Variants in DYM observed in about 807,000 individuals in gnomAD.
DYM encodes the protein dymeclin.
DYM carries 78 observed loss-of-function variants against 93.1 expected under a neutral mutation model. The observed-to-expected ratio is 0.84, with a 90% CI of 0.70 to 1.01. DYM has a LOEUF of 1.01. Ranked by LOEUF, DYM falls within the 50% of genes least tolerant of loss-of-function variation. The probability of loss-of-function intolerance (pLI) is 0.00; values close to 1 mark genes in which losing one functional copy is unlikely to be tolerated. For missense variants in DYM, 789 were observed against 845.0 expected, an observed-to-expected ratio of 0.93 and a Z score of 0.82; for synonymous variants, 321 against 319.7, an observed-to-expected ratio of 1.00 and a Z score of -0.04.
At chr18:49,361,455 G>A (rs1356298099) in intron 6 of DYM, among the ~76,000 whole-genome samples, 1 of 152,198 alleles carries the variant, frequency 6.6e-6, no homozygotes, top group Non-Finnish European at 1.5e-5. Flanking sequence ...ATTCTGTGAT[G>A]AGAAACATTA....
chr18:49,282,710 A>C (rs1308290510), intron 9 of DYM, among the ~76,000 whole-genome samples: 2 of 152,242 alleles, frequency 1.3e-5, no homozygotes, highest in Non-Finnish European at 2.9e-5. Context: ...GAAATAAATC[A>C]GCTATAAGAA....
At chr18:49,233,063 T>C (rs2093755309) in intron 13 of DYM, among the ~76,000 whole-genome samples, 1 of 151,946 alleles carries the variant, frequency 6.6e-6, no homozygotes, top group African/African-American at 2.4e-5. Context: ...TAATACAATA[T>C]CTAAAAATGT....
At chr18:49,073,439 C>T (rs2077049817) in intron 17 of DYM, among the ~76,000 whole-genome samples, 1 of 150,892 alleles carries the variant, frequency 6.6e-6, no homozygotes, top group Non-Finnish European at 1.5e-5. Context: ...CAAACAATAC[C>T]ACCTCCCCCC....
At chr18:49,140,380 T>G (rs368110462) in intron 15 of DYM, among the ~76,000 whole-genome samples, 3 of 152,216 alleles carry the variant, frequency 2.0e-5, no homozygotes, top group African/African-American at 7.2e-5. Flanking sequence ...GGCTGATCAC[T>G]GCAAGGCTTA....
intron 1 of DYM, among the ~76,000 whole-genome samples, chr18:49,433,348 T>C (rs147477997): frequency 1.3e-5 from 2 of 152,228 alleles, no homozygotes; most frequent in South Asian, 2.1e-4. Flanking sequence ...AGAAAGGTCA[T>C]GTAATCATAG....
intron 13 of DYM, among the ~76,000 whole-genome samples, chr18:49,222,773 T>G (rs2144127445): frequency 6.6e-6 from 1 of 152,312 alleles, no homozygotes; most frequent in African/African-American, 2.4e-5. Flanking sequence ...CAACTATGAT[T>G]ACACAGTGGA....
At position 49,097,458 on chromosome 18, in the gene DYM, G is replaced by A. The variant is rs781551662; in HGVS notation, c.1969C>T (p.Arg657Trp). 12 of 1,614,056 alleles carry A rather than the reference G, an allele frequency of 7.4e-6. No individual in the cohort carries two copies. The highest frequency in any genetic ancestry group is 1.1e-5 in the South Asian group (1 of 91,076). ...LQAGAELSVE[R>W]VLEIIKQGVV... is the part of the protein sequence containing the mutation. ...CCTTGCTTAATGATTTCCAGGACCC[G>A]TTCCACTGACAGCTCAGCTCCAGCT... Residue 657 changes from arginine (R) to tryptophan (W), a missense_variant, in exon 17 of 18, where the codon CGG (arginine) becomes TGG (tryptophan). Physicochemically the swap from Arg to Trp is moderately radical, Grantham distance 101. Transcript: ENST00000675505.
chr18:49,057,894 A>G (rs1006893386), intron 17 of DYM, among the ~76,000 whole-genome samples: 27 of 152,228 alleles, frequency 1.8e-4, no homozygotes, highest in Non-Finnish European at 8.8e-5. Context: ...TACTTCATCT[A>G]TAAACCATTA....
At chr18:49,227,546 A>C (rs2093575061) in intron 13 of DYM, among the ~76,000 whole-genome samples, 1 of 152,164 alleles carries the variant, frequency 6.6e-6, no homozygotes, top group Non-Finnish European at 1.5e-5. Flanking sequence ...TCATGGATAT[A>C]CACGGAAACA....
intron 15 of DYM, among the ~76,000 whole-genome samples, chr18:49,148,311 G>T (rs571769189): frequency 6.6e-6 from 1 of 151,292 alleles, no homozygotes; most frequent in African/African-American, 2.4e-5. Context: ...CCTGCATGTT[G>T]TGCACATGTA....
chr18:49,405,589 G>C (rs960772503), intron 2 of DYM, among the ~76,000 whole-genome samples: 3 of 152,064 alleles, frequency 2.0e-5, no homozygotes, highest in African/African-American at 7.2e-5. Flanking sequence ...CTGTTCCATT[G>C]GTCTGTTTTT....
At position 49,036,614 on chromosome 18, in the gene DYM, T is replaced by G. The variant is rs1023731775; in HGVS notation, c.*7441A>C. Among the ~76,000 whole-genome samples, 1 of 149,990 alleles carries G rather than the reference T, an allele frequency of 6.7e-6. No homozygotes were observed. Among genetic ancestry groups the G allele is most frequent in the Non-Finnish European group, 1.5e-5 (1 of 67,400 alleles). ...TTGCCCAGGCTGGAGTGTGGTGCCA[T>G]GACCACAGCTCACTGCAGCCTCTAC... On this transcript the variant is annotated 3_prime_UTR_variant, in exon 18 of 18. Transcript: ENST00000675505.
chr18:49,316,383 T>C (rs568362714), intron 8 of DYM, among the ~76,000 whole-genome samples: 104 of 152,298 alleles, frequency 6.8e-4, no homozygotes, highest in Non-Finnish European at 1.2e-3. Flanking sequence ...CTGGCTTATT[T>C]TGTAAAACTG....
intron 8 of DYM, among the ~76,000 whole-genome samples, chr18:49,290,952 T>C (rs2060071851): frequency 6.6e-6 from 1 of 152,124 alleles, no homozygotes; most frequent in Non-Finnish European, 1.5e-5. Flanking sequence ...CCCAAAAATG[T>C]GATGCAAATA....
At chr18:49,161,264 T>C (rs1207227301) in intron 15 of DYM, among the ~76,000 whole-genome samples, 1 of 152,166 alleles carries the variant, frequency 6.6e-6, no homozygotes, top group Non-Finnish European at 1.5e-5. Flanking sequence ...ACAGGACTGT[T>C]ACAAATTCAA....
chr18:49,197,184 C>G (rs2091533444), intron 14 of DYM, among the ~76,000 whole-genome samples: 1 of 152,048 alleles, frequency 6.6e-6, no homozygotes, highest in Admixed American at 6.6e-5. Flanking sequence ...AGGACAAGGG[C>G]TCAGAGTTTC....
chr18:49,428,723 T>C (rs374451608), intron 2 of DYM, among the ~76,000 whole-genome samples: 1 of 152,034 alleles, frequency 6.6e-6, no homozygotes, highest in South Asian at 2.1e-4. Context: ...ATCTAGAGTT[T>C]GGGGGAGTGT....
Position 49,041,960 on chromosome 18 carries a change from GACCCTT to G in DYM, c.*2089_*2094del, listed in dbSNP as rs996106329. On this transcript the variant is annotated 3_prime_UTR_variant, in exon 18 of 18. Transcript: ENST00000675505. ...TGCCAGAAGCTCAGCTGTTCCACAT[GACCCTT>G]AAACATTTAAACAATTTTTTGGTTT... 2.9e-4 allele frequency: 44 copies of G among 152,326 alleles called. No homozygotes were observed. The highest frequency in any genetic ancestry group is 9.6e-4 in the African/African-American group (40 of 41,566). The allele number at this position is 152,326 out of a possible 1,614,324, so 9.4% of individuals were successfully genotyped here. A position where few individuals can be genotyped will look rare whatever the true frequency, so the allele number is the denominator to read the frequency against.
chr18:49,274,552 A>G (rs1486659395), intron 10 of DYM, among the ~76,000 whole-genome samples: 1 of 152,166 alleles, frequency 6.6e-6, no homozygotes, highest in Non-Finnish European at 1.5e-5. Context: ...TCATTGTTTC[A>G]GGAACTACCA....
Sources: allele counts gnomAD v4.1 joint callset (sites outside exome capture counted in the v4.1 genomes callset), GRCh38; gene constraint gnomAD v4.1.1; transcripts MANE v1.5; gene names NCBI Gene and HGNC (gene_info 2026-07-23, HGNC 2026-07-21).